The following EVL variants were observed in gnomAD, a reference collection of about 807,000 sequenced individuals.
EVL encodes Enah/Vasp-like.
Under a neutral mutation model 59.6 loss-of-function variants are expected in EVL, and 21 were observed. The observed-to-expected ratio is 0.35, with a 90% CI of 0.25 to 0.51. The LOEUF is 0.51. Ranked by LOEUF, EVL falls within the 20% of genes least tolerant of loss-of-function variation. The pLI is 0.97. For missense variants in EVL, 462 were observed against 546.6 expected (o/e 0.85, Z 1.54); for synonymous variants, 198 against 203.5 (o/e 0.97, Z 0.23).
intron 1 of EVL, among the ~76,000 whole-genome samples, chr14:99,980,598 A>G (rs551625271): frequency 6.3e-4 from 96 of 152,282 alleles, no homozygotes; most frequent in Non-Finnish European, 1.1e-3. Flanking sequence ...AACAGTCTCC[A>G]TTTCTCACCC....
chr14:100,097,805 C>A, intron 3 of EVL, 147 bp downstream of exon 3: 1 of 660,536 alleles, frequency 1.5e-6, no homozygotes, highest in African/African-American at 1.8e-5. Flanking sequence ...TGCTGCCTGC[C>A]TTTAGATTTA....
chr14:100,046,165 A>T (rs1299591181), intron 1 of EVL, among the ~76,000 whole-genome samples: 1 of 152,164 alleles, frequency 6.6e-6, no homozygotes, highest in African/African-American at 2.4e-5. Flanking sequence ...AGCATCCCTA[A>T]CAAGGAAATC....
At chr14:99,990,771 G>C (rs1467175923) in intron 1 of EVL, among the ~76,000 whole-genome samples, 1 of 151,950 alleles carries the variant, frequency 6.6e-6, no homozygotes, top group Non-Finnish European at 1.5e-5. Flanking sequence ...GTGGAATTTG[G>C]GTTGCTTCCA....
rs1053792711 is a variant in EVL, at chr14:100,127,136, T to A, written c.487+365T>A. On this transcript the variant is annotated intron_variant, in intron 5 of 13. Coordinates refer to ENST00000392920, the MANE Select transcript of EVL (RefSeq NM_016337.3). The surrounding 1 kb of genome is among the most constrained non-coding windows in gnomAD (Gnocchi z 4.2). ...GGAGACAGTGAACCCACCCTTGTCA[T>A]GTCACGTAGTGAACACTGTGGCAAG... 1.3e-5 allele frequency among the ~76,000 whole-genome samples: 2 copies of A among 152,246 alleles called. No homozygotes were observed. Among genetic ancestry groups the A allele is most frequent in the Non-Finnish European group, 2.9e-5 (2 of 68,046 alleles).
At chr14:100,138,857 C>T (rs1162509140) in intron 11 of EVL, 1 of 152,356 alleles carries the variant, frequency 6.6e-6, no homozygotes, top group Non-Finnish European at 1.5e-5. Context: ...GGAGTCTGCT[C>T]TGCGGAGATC....
intron 1 of EVL, among the ~76,000 whole-genome samples, chr14:100,025,850 C>T (rs1037328064): frequency 7.9e-5 from 12 of 152,098 alleles, no homozygotes; most frequent in African/African-American, 2.7e-4. Context: ...GCAGGAGAAT[C>T]GCTTGAACCT....
chr14:100,098,232 A>G (rs1342694002), intron 3 of EVL, among the ~76,000 whole-genome samples: 1 of 152,206 alleles, frequency 6.6e-6, no homozygotes, highest in East Asian at 1.9e-4. Flanking sequence ...GACATAAGTA[A>G]CTGCCCTTCA....
chr14:100,043,144 ATCCATCTGAGCACC>A (rs1566980926), intron 1 of EVL, among the ~76,000 whole-genome samples: 3 of 152,120 alleles, frequency 2.0e-5, no homozygotes, highest in Non-Finnish European at 4.4e-5. Context: ...GATCACTGAA[ATCCATCTGAGCACC>A]TCAGGTTAGG....
At chr14:99,980,499 C>G (rs1047258847) in intron 1 of EVL, among the ~76,000 whole-genome samples, 2 of 152,206 alleles carry the variant, frequency 1.3e-5, no homozygotes, top group African/African-American at 2.4e-5. Flanking sequence ...CCAAGAACCG[C>G]TTCATCTGGG....
At chr14:100,046,641 T>C (rs917594585) in intron 1 of EVL, among the ~76,000 whole-genome samples, 22 of 148,648 alleles carry the variant, frequency 1.5e-4, no homozygotes, top group Non-Finnish European at 2.1e-4. Flanking sequence ...CACTCCAGCC[T>C]GGGCGACAGA....
intron 1 of EVL, among the ~76,000 whole-genome samples, chr14:100,003,103 A>C (rs1275684811): frequency 4.6e-5 from 7 of 152,202 alleles, no homozygotes; most frequent in Non-Finnish European, 5.9e-5. Flanking sequence ...GAGAAACTGA[A>C]CTTATTTTAT....
chr14:99,982,155 G>C (rs1003271885), intron 1 of EVL, among the ~76,000 whole-genome samples: 3 of 152,202 alleles, frequency 2.0e-5, no homozygotes, highest in Non-Finnish European at 4.4e-5. Context: ...AACCTGTGGT[G>C]TAGTTCCTTT....
At chr14:100,054,373 C>T (rs970589002) in intron 1 of EVL, among the ~76,000 whole-genome samples, 12 of 152,074 alleles carry the variant, frequency 7.9e-5, no homozygotes, top group Admixed American at 2.0e-4. Context: ...CATCTTTACG[C>T]GGCCATGTTG....
At chr14:99,982,712 G>C (rs968062982) in intron 1 of EVL, among the ~76,000 whole-genome samples, 1 of 152,196 alleles carries the variant, frequency 6.6e-6, no homozygotes, top group Non-Finnish European at 1.5e-5. Context: ...AGGGCTGTGT[G>C]AAAGACATCT....
At chr14:100,055,807 C>CT (rs1181018974) in intron 1 of EVL, among the ~76,000 whole-genome samples, 13 of 151,322 alleles carry the variant, frequency 8.6e-5, no homozygotes, top group South Asian at 6.3e-4. Context: ...TTTCTTTTTT[C>CT]TTTTTCTTTC....
At chr14:99,976,469 A>G (rs1040689287) in intron 1 of EVL, among the ~76,000 whole-genome samples, 1 of 151,620 alleles carries the variant, frequency 6.6e-6, no homozygotes, top group Non-Finnish European at 1.5e-5. Context: ...AATTATGGCA[A>G]TCTGTTAGTT....
chr14:100,128,797 T>C, intron 6 of EVL, 49 bp downstream of exon 6: 4 of 1,513,742 alleles, frequency 2.6e-6, no homozygotes, highest in Non-Finnish European at 3.6e-6. Context: ...GGGACCCTTG[T>C]GCCATCTGCA....
At chr14:100,107,547 T>C (rs1239440878) in intron 3 of EVL, 1 of 367,870 alleles carries the variant, frequency 2.7e-6, no homozygotes, top group Non-Finnish European at 4.8e-6. Flanking sequence ...CATTCCCTCA[T>C]GAAAGATCAC....
chr14:100,094,403 T>C (rs2140315471), intron 2 of EVL, among the ~76,000 whole-genome samples: 1 of 152,212 alleles, frequency 6.6e-6, no homozygotes, highest in South Asian at 2.1e-4. Context: ...TTCTCACTCA[T>C]CTTAAGTTCC....
Sources: allele counts gnomAD v4.1 joint callset (sites outside exome capture counted in the v4.1 genomes callset), GRCh38; gene constraint gnomAD v4.1.1; non-coding constraint Gnocchi (gnomAD v3.1); transcripts MANE v1.5; gene names NCBI Gene and HGNC (gene_info 2026-07-23, HGNC 2026-07-21).